Variants in UBR2 observed in about 807,000 individuals in gnomAD.
UBR2 encodes ubiquitin protein ligase E3 component n-recognin 2.
A neutral mutation model predicts 247.9 loss-of-function variants in UBR2; 92 were observed. The ratio of observed to expected loss-of-function variants is 0.37; its 90% CI spans 0.31 to 0.44. The LOEUF (loss-of-function observed/expected upper bound fraction) is 0.44. Among genes scored for constraint, UBR2 ranks in the 20% least tolerant of loss-of-function variants. The pLI is 1.00. For missense variants in UBR2, 1,613 were observed against 2,112.6 expected (o/e 0.76, Z 4.64); for synonymous variants, 672 against 693.5 (o/e 0.97, Z 0.49).
chr6:42,672,933 T>A (rs993295851), intron 36 of UBR2, among the ~76,000 whole-genome samples: 1 of 152,060 alleles, frequency 6.6e-6, no homozygotes, highest in Non-Finnish European at 1.5e-5. Context: ...AACCAAACAT[T>A]ACAGAAAATT....
chr6:42,616,154 T>C, intron 10 of UBR2, 64 bp downstream of exon 10: 1 of 1,135,510 alleles, frequency 8.8e-7, no homozygotes, highest in East Asian at 2.6e-5. Context: ...TAATTATATC[T>C]AGGCTTCAAA....
intron 7 of UBR2, among the ~76,000 whole-genome samples, chr6:42,609,848 T>C (rs1024785877): frequency 6.7e-6 from 1 of 148,986 alleles, no homozygotes; most frequent in South Asian, 2.1e-4. Context: ...TGAGCTGTTA[T>C]CAACACCATT....
At position 42,580,027 on chromosome 6, in the gene UBR2, A is replaced by T. The variant is rs551129130; in HGVS notation, c.338+6034A>T. 6.7e-4 allele frequency among the ~76,000 whole-genome samples: 86 copies of T among 128,452 alleles called. 1 individual carries two copies. The highest frequency in any genetic ancestry group is 1.2e-3 in the Non-Finnish European group (73 of 61,186). 84.3% of individuals were successfully genotyped at this position (128,452 alleles called of 152,430 possible). On this transcript the variant is annotated intron_variant, in intron 2 of 46. Coordinates refer to ENST00000372901, the MANE Select transcript of UBR2 (RefSeq NM_001363705.2). ...TTGATTGACCTAATAATGAAATTAG[A>T]AATGGAGATTTCTAGGTTTTTTTTT...
intron 25 of UBR2, 46 bp downstream of exon 25, chr6:42,652,691 A>G: frequency 1.3e-6 from 2 of 1,534,276 alleles, no homozygotes; most frequent in Non-Finnish European, 1.8e-6. Context: ...ATTTTATAGT[A>G]CAAGCAAAAT....
rs147830824 is a variant in UBR2 at position 42,586,538 on chromosome 6, C to CTTTT, written c.339-5596_339-5593dup. Reference sequence around the variant, plus strand: ...TGCTATTTGTTTTCAGTTTGTCTCTCTTTTTTTTTTTTTTTTTTTTGTTCC... The same window carrying CTTTT: ...TGCTATTTGTTTTCAGTTTGTCTCTCTTTTTTTTTTTTTTTTTTTTTTTTGTTCC... On this transcript the variant is annotated intron_variant, in intron 2 of 46. Transcript: ENST00000372901. 4.1e-3 allele frequency among the ~76,000 whole-genome samples: 398 copies of CTTTT among 97,220 alleles called. 4 individuals are homozygous for CTTTT. The highest frequency in any genetic ancestry group is 0.019 in the Middle Eastern group (3 of 158). 63.8% of individuals were successfully genotyped at this position (97,220 alleles called of 152,430 possible).
At chr6:42,580,518 A>G (rs150430998) in intron 2 of UBR2, among the ~76,000 whole-genome samples, 18 of 152,066 alleles carry the variant, frequency 1.2e-4, no homozygotes, top group African/African-American at 4.1e-4. Context: ...GAATATTTAC[A>G]TATGTCAAAA....
Position 42,658,800 on chromosome 6 carries a change from C to T in UBR2, c.3218C>T (p.Ser1073Leu), listed in dbSNP as rs1369638097. Residue 1073 changes from serine (S) to leucine (L), a missense_variant, in exon 29 of 47, where the codon TCA (serine) becomes TTA (leucine). Coordinates refer to ENST00000372901, the MANE Select transcript of UBR2 (RefSeq NM_001363705.2). ...LFQQTLELDA[S>L]TSAVLDHSPV... ...CAGCAGACATTAGAACTGGATGCCT[C>T]AACCTCTGCTGTTCTTGATCATAGG... 1.9e-6 allele frequency: 3 copies of T among 1,584,014 alleles called. No homozygotes were observed. Among genetic ancestry groups the T allele is most frequent in the Non-Finnish European group, 2.6e-6 (3 of 1,167,688 alleles).
At chr6:42,660,205 G>T (rs904011611) in intron 30 of UBR2, among the ~76,000 whole-genome samples, 1 of 152,178 alleles carries the variant, frequency 6.6e-6, no homozygotes, top group Non-Finnish European at 1.5e-5. Context: ...CTTATTGATA[G>T]AGCCTGAGTG....
intron 36 of UBR2, 49 bp downstream of exon 36, chr6:42,670,764 G>T: frequency 6.8e-7 from 1 of 1,476,756 alleles, no homozygotes; most frequent in South Asian, 1.2e-5. Flanking sequence ...TGGAAATTAG[G>T]TGGTTCTGCT....
intron 2 of UBR2, among the ~76,000 whole-genome samples, chr6:42,585,144 T>TA (rs1456042800): frequency 2.0e-5 from 3 of 152,142 alleles, no homozygotes; most frequent in Admixed American, 6.6e-5. Flanking sequence ...CCTAGGTTTT[T>TA]AAAAAAATCA....
intron 10 of UBR2, chr6:42,617,203 T>C (rs1794611695): frequency 1.3e-6 from 2 of 1,584,454 alleles, no homozygotes; most frequent in Non-Finnish European, 1.7e-6. Flanking sequence ...CATTTGGTCA[T>C]TGTGGATTAG....
intron 1 of UBR2, among the ~76,000 whole-genome samples, chr6:42,570,227 A>G (rs971483361): frequency 2.6e-5 from 4 of 152,174 alleles, no homozygotes; most frequent in African/African-American, 4.8e-5. Flanking sequence ...TTTTTCATAT[A>G]ATGGTAGTAA....
intron 26 of UBR2, among the ~76,000 whole-genome samples, chr6:42,657,244 A>C (rs1279354178): frequency 6.6e-6 from 1 of 151,934 alleles, no homozygotes; most frequent in Non-Finnish European, 1.5e-5. Flanking sequence ...CAAAAAAAAA[A>C]AAAAAAAAAA....
intron 11 of UBR2, among the ~76,000 whole-genome samples, chr6:42,626,050 G>A (rs1450572287): frequency 1.3e-5 from 2 of 151,868 alleles, no homozygotes; most frequent in African/African-American, 4.8e-5. Context: ...TCCTGACCTC[G>A]TGATCTGCCT....
chr6:42,685,856 G>C (rs972586259), intron 44 of UBR2, among the ~76,000 whole-genome samples: 2 of 151,562 alleles, frequency 1.3e-5, no homozygotes, highest in African/African-American at 4.8e-5. Flanking sequence ...TAGCCTGGGT[G>C]ACAGCGAGAC....
intron 2 of UBR2, among the ~76,000 whole-genome samples, chr6:42,583,007 C>A (rs1792009467): frequency 6.6e-6 from 1 of 152,042 alleles, no homozygotes; most frequent in Non-Finnish European, 1.5e-5. Context: ...GGTTGTTTAT[C>A]TTTTCATTAT....
chr6:42,641,557 G>GT (rs763995220), intron 16 of UBR2, 25 bp from the exon 17 acceptor site: 42 of 1,554,318 alleles, frequency 2.7e-5, no homozygotes, highest in Admixed American at 1.5e-4. Context: ...TTTGTTTTCT[G>GT]TTTTTTTATT....
chr6:42,619,453 A>ATATATATTATTTTT, intron 11 of UBR2: 1 of 23,716 alleles, frequency 4.2e-5, no homozygotes. Context: ...ATATATATAT[A>ATATATATTATTTTT]TTTTTTTTTT....
rs780975035 is a variant in UBR2 at position 42,617,306 on chromosome 6, C to G, written c.1183-103C>G. The G allele has an allele frequency of 1.9e-6, 3 of 1,614,022 alleles. No homozygotes were observed. Among genetic ancestry groups the G allele is most frequent in the Admixed American group, 3.3e-5 (2 of 59,990 alleles). ...CGAGCGAGCAGTGTCGGTGACTGCT[C>G]TATCTGTCCAGTTCTTCACCGCACC... is the stretch of plus-strand genomic sequence containing the variant. On this transcript the variant is annotated intron_variant, in intron 10 of 46. Coordinates refer to ENST00000372901, the MANE Select transcript of UBR2 (RefSeq NM_001363705.2).
Sources: gnomAD v4.1 joint callset for allele counts (sites outside exome capture counted in the v4.1 genomes callset) on GRCh38, gnomAD v4.1.1 for gene constraint, MANE v1.5 for transcripts, NCBI Gene and HGNC (gene_info 2026-07-23, HGNC 2026-07-21) for gene names.